Variants in CALM2 observed in about 807,000 individuals in gnomAD.
CALM2 encodes the protein calmodulin 2, also known as calmodulin-2.
Under a neutral mutation model 19.8 loss-of-function variants are expected in CALM2, and 2 were observed. The ratio of observed to expected loss-of-function variants is 0.10; its 90% confidence interval spans 0.04 to 0.32. The LOEUF (loss-of-function observed/expected upper bound fraction) is 0.32, where lower values mean the gene tolerates loss of function less well. Ranked by LOEUF, CALM2 falls within the 10% of genes least tolerant of loss-of-function variation. The pLI, the probability that CALM2 is intolerant of heterozygous loss-of-function variation, is 1.00. For synonymous variants in CALM2, 51 were observed against 52.1 expected (o/e 0.98, Z 0.09); for missense variants, 38 against 178.7 (o/e 0.21, Z 4.49).
intron 2 of CALM2, among the ~76,000 whole-genome samples, chr2:47,165,033 T>C (rs941781494): frequency 6.6e-6 from 1 of 152,218 alleles, no homozygotes. Context: ...TGCTTGCCCT[T>C]ATCCCTCCCC....
chr2:47,168,902 TGA>T (rs1346633234), intron 2 of CALM2, among the ~76,000 whole-genome samples: 3 of 152,042 alleles, frequency 2.0e-5, no homozygotes, highest in Non-Finnish European at 4.4e-5. Flanking sequence ...ATCAGCCTCC[TGA>T]GTGGCTGGGA....
At chr2:47,170,687 T>C in intron 2 of CALM2, 47 bp downstream of exon 2, 1 of 1,482,756 alleles carries the variant, frequency 6.7e-7, no homozygotes, top group South Asian at 1.1e-5. Flanking sequence ...GGCTATTCAA[T>C]TTATAATAAG....
intron 1 of CALM2, 29 bp downstream of exon 1, chr2:47,176,412 C>G (rs978182313): frequency 2.5e-6 from 4 of 1,612,188 alleles, no homozygotes; most frequent in Non-Finnish European, 2.5e-6. Flanking sequence ...CCCACAGGCC[C>G]AGCGCCGGCA....
chr2:47,176,425 T>C lies in CALM2; in HGVS notation c.3+16A>G, dbSNP rs1045754532. 6.2e-7 allele frequency: 1 copy of C among 1,612,792 alleles called. No homozygotes were observed. Among genetic ancestry groups the C allele is most frequent in the African/African-American group, 1.3e-5 (1 of 74,870 alleles). On this transcript the variant is annotated intron_variant, in intron 1 of 5. Coordinates refer to ENST00000272298, the MANE Select transcript of CALM2 (RefSeq NM_001743.6). ...CCCCCACAGGCCCAGCGCCGGCAGC[T>C]CAGCGATGCACTCACCATGCTGCAA...
At chr2:47,174,571 A>T (rs1164986286) in intron 1 of CALM2, among the ~76,000 whole-genome samples, 1 of 152,096 alleles carries the variant, frequency 6.6e-6, no homozygotes, top group Non-Finnish European at 1.5e-5. Flanking sequence ...TCTTATAGTA[A>T]GAGCTGTCAA....
At chr2:47,164,216 C>T (rs1462133254) in intron 2 of CALM2, among the ~76,000 whole-genome samples, 1 of 141,902 alleles carries the variant, frequency 7.0e-6, no homozygotes, top group Non-Finnish European at 1.5e-5. Flanking sequence ...CCAGCCTGGG[C>T]GACAGAGCGA....
intron 2 of CALM2, chr2:47,162,868 T>C (rs760015910): frequency 2.5e-5 from 12 of 478,936 alleles, no homozygotes; most frequent in Admixed American, 3.9e-5. Flanking sequence ...GAGGTAGCAA[T>C]TGAAATGTGA....
rs994535004 is a variant in CALM2 at position 47,176,493 on chromosome 2, C to T, written c.-50G>A. On this transcript the variant is annotated 5_prime_UTR_variant, in exon 1 of 6. Coordinates refer to ENST00000272298, the MANE Select transcript of CALM2 (RefSeq NM_001743.6). The stretch of plus-strand genomic sequence containing the variant: ...GACGCGACCACACAACCACTCAGCT[C>T]GCTCTCTCCACTCGGACTAATTCGC... The T allele has an allele frequency of 2.5e-6, 4 of 1,612,182 alleles. No individual in the cohort carries two copies. The highest frequency in any genetic ancestry group is 3.4e-6 in the Non-Finnish European group (4 of 1,179,346).
intron 1 of CALM2, chr2:47,171,503 G>A (rs1471599618): frequency 6.6e-6 from 1 of 152,104 alleles, no homozygotes. Flanking sequence ...GTGGGATTGG[G>A]GCACAGAAAA....
intron 2 of CALM2, among the ~76,000 whole-genome samples, chr2:47,165,464 T>TAATTAACTATGTCCA (rs1488381774): frequency 6.6e-6 from 1 of 152,172 alleles, no homozygotes; most frequent in African/African-American, 2.4e-5. Flanking sequence ...GTCCAACAAA[T>TAATTAACTATGTCCA]ACATACTTAA....
intron 1 of CALM2, chr2:47,176,186 C>T: frequency 1.9e-6 from 1 of 522,910 alleles, no homozygotes; most frequent in Non-Finnish European, 3.4e-6. Flanking sequence ...CAGCCAAGCC[C>T]CCGAGGAGCT....
At chr2:47,163,197 A>C (rs1272835805) in intron 2 of CALM2, 1 of 152,670 alleles carries the variant, frequency 6.6e-6, no homozygotes, top group Non-Finnish European at 1.5e-5. Flanking sequence ...TGTCTAAATC[A>C]ATCACCTACT....
At chr2:47,175,878 CCGCCCGCCCGCG>C (rs936362248) in intron 1 of CALM2, among the ~76,000 whole-genome samples, 9 of 148,428 alleles carry the variant, frequency 6.1e-5, no homozygotes, top group Non-Finnish European at 1.2e-4. Flanking sequence ...AGCGCGCCGC[CCGCCCGCCCGCG>C]CGCCCCCTGG....
At position 47,162,449 on chromosome 2, in the gene CALM2, A is replaced by T. The variant is rs1426144150; in HGVS notation, c.179-57T>A. 3.7e-6 allele frequency: 6 copies of T among 1,609,582 alleles called. No homozygotes were observed. The Admixed American group carries it at 6.7e-5, about 18-fold the overall frequency. On this transcript the variant is annotated intron_variant, in intron 3 of 5. Transcript: ENST00000272298. ...TAGTGGAAACATATAAGCAAACAGC[A>T]AAGGTTTAGTGGAAACATCTAAGTA...
chr2:47,169,069 C>G (rs568525352), intron 2 of CALM2, among the ~76,000 whole-genome samples: 2 of 152,074 alleles, frequency 1.3e-5, no homozygotes, highest in Admixed American at 1.3e-4. Flanking sequence ...CCACTGCGCC[C>G]GGCCAACAAA....
intron 2 of CALM2, among the ~76,000 whole-genome samples, chr2:47,164,286 A>AC: frequency 7.1e-6 from 1 of 140,032 alleles, no homozygotes; most frequent in Admixed American, 6.9e-5. Context: ...TCTCTACTAA[A>AC]ACACACACAC....
At chr2:47,176,036 G>T (rs1234752549) in intron 1 of CALM2, among the ~76,000 whole-genome samples, 2 of 152,120 alleles carry the variant, frequency 1.3e-5, no homozygotes, top group Admixed American at 6.5e-5. Flanking sequence ...ACTAACCGTC[G>T]GTCGGGTGGA....
At chr2:47,168,527 T>C (rs183087823) in intron 2 of CALM2, among the ~76,000 whole-genome samples, 1 of 151,908 alleles carries the variant, frequency 6.6e-6, no homozygotes, top group East Asian at 1.9e-4. Flanking sequence ...TCACCTGAGG[T>C]TGCGAGTTTG....
chr2:47,168,644 A>G, intron 2 of CALM2, among the ~76,000 whole-genome samples: 1 of 152,178 alleles, frequency 6.6e-6, no homozygotes, highest in East Asian at 1.9e-4. Context: ...GAAGCAGAAC[A>G]GCTTGAACCC....
Sources: allele counts gnomAD v4.1 joint callset (sites outside exome capture counted in the v4.1 genomes callset), GRCh38; gene constraint gnomAD v4.1.1; transcripts MANE v1.5; gene names NCBI Gene and HGNC (gene_info 2026-07-23, HGNC 2026-07-21).